Variants in ARHGAP35 observed in about 807,000 individuals in gnomAD.
The protein encoded by ARHGAP35 is rho GTPase-activating protein 35.
A neutral mutation model predicts 111.1 loss-of-function variants in ARHGAP35; 15 were observed. The ratio of observed to expected loss-of-function variants is 0.13; its 90% CI spans 0.09 to 0.21. The LOEUF is 0.21. Ranked by LOEUF, ARHGAP35 falls within the 10% of genes least tolerant of loss-of-function variation. The probability of loss-of-function intolerance (pLI) is 1.00; values close to 1 mark genes in which losing one functional copy is unlikely to be tolerated. For missense variants in ARHGAP35, 1,262 were observed against 1,873.0 expected, an observed-to-expected ratio of 0.67 and a Z score of 6.02; for synonymous variants, 643 against 710.3, an observed-to-expected ratio of 0.91 and a Z score of 1.51.
chr19:46,879,300 C>A (rs895431458), intron 1 of ARHGAP35, among the ~76,000 whole-genome samples: 14 of 151,910 alleles, frequency 9.2e-5, no homozygotes, highest in African/African-American at 3.1e-4. Flanking sequence ...ACTAAAAATA[C>A]AAAAATGGCC....
At chr19:46,946,743 G>A (rs988223479) in intron 3 of ARHGAP35, 1 of 147,618 alleles carries the variant, frequency 6.8e-6, no homozygotes, top group African/African-American at 2.5e-5. Context: ...TTTTTGTTTT[G>A]TGTGTGTGTG....
rs2056748907 is a variant in ARHGAP35, at chr19:47,001,611, CAAG to C, written c.*928_*930del. On this transcript the variant is annotated 3_prime_UTR_variant, in exon 7 of 7. Coordinates refer to ENST00000672722, the MANE Select transcript of ARHGAP35 (RefSeq NM_004491.5). The surrounding 1 kb of genome is among the most constrained non-coding windows in gnomAD (Gnocchi z 5.4). ...CTAGTCGCTAGATCCCCCGTTTTCCCAAGAAGAGGGTTCGAGCCCTTGGTGGGG... is the reference window on the plus strand; with the variant it reads ...CTAGTCGCTAGATCCCCCGTTTTCCCAAGAGGGTTCGAGCCCTTGGTGGGG... The C allele has an allele frequency of 1.9e-5, 7 of 372,658 alleles. No individual in the cohort carries two copies. The highest frequency in any genetic ancestry group is 1.3e-4 in the South Asian group (6 of 46,978). 23.1% of individuals were successfully genotyped at this position (372,658 alleles called of 1,614,324 possible). A position where few individuals can be genotyped will look rare whatever the true frequency, so the allele number is the denominator to read the frequency against.
At chr19:46,979,691 C>T (rs909281100) in intron 3 of ARHGAP35, among the ~76,000 whole-genome samples, 3 of 152,158 alleles carry the variant, frequency 2.0e-5, no homozygotes, top group African/African-American at 7.2e-5. Context: ...ATGACATGGC[C>T]GTGTGCGCAT....
intron 1 of ARHGAP35, among the ~76,000 whole-genome samples, chr19:46,894,446 T>A (rs948766871): frequency 3.3e-4 from 8 of 24,022 alleles, no homozygotes; most frequent in Admixed American, 6.0e-4. Context: ...TGTTTTTTGG[T>A]TTTTTTTTTT....
chr19:46,948,591 G>A (rs1267039271), intron 3 of ARHGAP35: 1 of 152,160 alleles, frequency 6.6e-6, no homozygotes, highest in Non-Finnish European at 1.5e-5. Context: ...TTCATTAAAG[G>A]GAATAAGTAC....
intron 1 of ARHGAP35, among the ~76,000 whole-genome samples, chr19:46,869,026 C>G (rs1051687397): frequency 6.6e-6 from 1 of 150,858 alleles, no homozygotes; most frequent in Non-Finnish European, 1.5e-5. Flanking sequence ...CTGCTTCAGC[C>G]TCCGAAGTAG....
intron 3 of ARHGAP35, among the ~76,000 whole-genome samples, chr19:46,946,193 G>A (rs1444679924): frequency 6.6e-6 from 1 of 152,238 alleles, no homozygotes; most frequent in African/African-American, 2.4e-5. Context: ...TGTTTCTTGA[G>A]CGTTGATATG....
At chr19:46,895,599 G>T (rs1056309680) in intron 1 of ARHGAP35, among the ~76,000 whole-genome samples, 1 of 152,216 alleles carries the variant, frequency 6.6e-6, no homozygotes, top group Non-Finnish European at 1.5e-5. Flanking sequence ...AAGTTGAAAG[G>T]CGACCATTTC....
intron 1 of ARHGAP35, among the ~76,000 whole-genome samples, chr19:46,897,695 C>CA (rs11434545): frequency 0.54 from 71,736 of 133,558 alleles, 18,684 homozygotes; most frequent in Middle Eastern, 0.68. Flanking sequence ...GATCTTTAAC[C>CA]AAAAAAAAAA....
intron 1 of ARHGAP35, among the ~76,000 whole-genome samples, chr19:46,871,979 C>T (rs2055890049): frequency 6.6e-6 from 1 of 151,804 alleles, no homozygotes; most frequent in Admixed American, 6.6e-5. Flanking sequence ...GACTCTTTGT[C>T]TCACACACAC....
chr19:46,931,919 G>T (rs1019720832), intron 2 of ARHGAP35, among the ~76,000 whole-genome samples: 1 of 152,170 alleles, frequency 6.6e-6, no homozygotes, highest in Non-Finnish European at 1.5e-5. Flanking sequence ...TAATTGTGCA[G>T]AGCAGCTACC....
chr19:46,925,299 C>T (rs1348910508), intron 2 of ARHGAP35, among the ~76,000 whole-genome samples: 2 of 152,186 alleles, frequency 1.3e-5, no homozygotes, highest in Non-Finnish European at 2.9e-5. Context: ...GCCGCTAGAG[C>T]AAACCTCCTA....
In ARHGAP35 at chr19:47,001,388, A is replaced by G. The variant is rs771481347; in HGVS notation, c.*700A>G. The G allele has an allele frequency of 1.1e-5, 14 of 1,289,414 alleles. No homozygotes were observed. Among genetic ancestry groups the G allele is most frequent in the Middle Eastern group, 2.1e-4 (1 of 4,696 alleles). The allele number at this position is 1,289,414 out of a possible 1,614,324, so 79.9% of individuals were successfully genotyped here. A position where few individuals can be genotyped will look rare whatever the true frequency, so the allele number is the denominator to read the frequency against. On this transcript the variant is annotated 3_prime_UTR_variant, in exon 7 of 7. Transcript: ENST00000672722. This position sits in a 1 kb window ranked among gnomAD's most constrained non-coding sequence, Gnocchi z 5.4. ...AAAGGAACACTAGGAGAAAAAATGG[A>G]AAAACCCTTCCAGTAATTAAAAAGG...
intron 1 of ARHGAP35, among the ~76,000 whole-genome samples, chr19:46,872,218 T>TG: frequency 6.6e-6 from 1 of 152,148 alleles, no homozygotes; most frequent in East Asian, 1.9e-4. Flanking sequence ...AAATTAAATG[T>TG]GGGAAAAAAT....
At chr19:46,980,032 A>T (rs1323436915) in intron 3 of ARHGAP35, among the ~76,000 whole-genome samples, 1 of 152,104 alleles carries the variant, frequency 6.6e-6, no homozygotes, top group Non-Finnish European at 1.5e-5. Context: ...AACCTTCTCT[A>T]TGGAGAGGAG....
At chr19:46,889,880 G>T (rs908008148) in intron 1 of ARHGAP35, among the ~76,000 whole-genome samples, 1 of 152,094 alleles carries the variant, frequency 6.6e-6, no homozygotes, top group African/African-American at 2.4e-5. Context: ...AGTGTTTTGG[G>T]TTGCCTCTAG....
At chr19:46,979,777 T>TC (rs2056610774) in intron 3 of ARHGAP35, among the ~76,000 whole-genome samples, 1 of 151,686 alleles carries the variant, frequency 6.6e-6, no homozygotes, top group African/African-American at 2.4e-5. Context: ...CGTAATAGAG[T>TC]GTTAGTGGCC....
At chr19:46,864,638 G>A (rs1425989899) in intron 1 of ARHGAP35, among the ~76,000 whole-genome samples, 3 of 152,186 alleles carry the variant, frequency 2.0e-5, no homozygotes, top group African/African-American at 7.2e-5. Flanking sequence ...AGTGAAGAGG[G>A]CTGATAGTAG....
Position 46,901,313 on chromosome 19 carries a change from T to C in ARHGAP35, c.-188-17175T>C, listed in dbSNP as rs2056082547. 6.6e-6 allele frequency among the ~76,000 whole-genome samples: 1 copy of C among 152,198 alleles called. No homozygotes were observed. The highest frequency in any genetic ancestry group is 2.1e-4 in the South Asian group (1 of 4,834). On this transcript the variant is annotated intron_variant, in intron 1 of 6. Coordinates refer to ENST00000672722, the MANE Select transcript of ARHGAP35 (RefSeq NM_004491.5). This position sits in a 1 kb window ranked among gnomAD's most constrained non-coding sequence, Gnocchi z 4.5. ...TGGCTCACCCCTGTAATCCCAGCAC[T>C]TCGGGAGGCCGAGGCAGGTGGATCA... is the stretch of plus-strand genomic sequence containing the variant.
Sources: gnomAD v4.1 joint callset for allele counts (sites outside exome capture counted in the v4.1 genomes callset) on GRCh38, gnomAD v4.1.1 for gene constraint, Gnocchi (gnomAD v3.1) non-coding constraint, MANE v1.5 for transcripts, NCBI Gene and HGNC (gene_info 2026-07-23, HGNC 2026-07-21) for gene names.